NELL2: variants seen among roughly 807,000 people sequenced by gnomAD.
NELL2 encodes protein kinase C-binding protein NELL2.
NELL2 carries 41 observed loss-of-function variants against 109.6 expected under a neutral mutation model. That is an observed-to-expected ratio of 0.37 (90% CI 0.29 to 0.49). The LOEUF (loss-of-function observed/expected upper bound fraction) is 0.49. Among genes scored for constraint, NELL2 ranks in the 20% least tolerant of loss-of-function variants. The pLI is 0.98. For synonymous variants in NELL2, 355 were observed against 344.7 expected, an observed-to-expected ratio of 1.03 and a Z score of -0.33; for missense variants, 900 against 1,008.3, an observed-to-expected ratio of 0.89 and a Z score of 1.45.
intron 13 of NELL2, among the ~76,000 whole-genome samples, chr12:44,619,309 A>G (rs1473661720): frequency 1.3e-5 from 2 of 152,168 alleles, no homozygotes; most frequent in African/African-American, 4.8e-5. Flanking sequence ...TGGACGCTAA[A>G]CAGTAGCGTC....
chr12:44,657,390 T>G (rs1947545166), intron 13 of NELL2, among the ~76,000 whole-genome samples: 1 of 152,120 alleles, frequency 6.6e-6, no homozygotes, highest in South Asian at 2.1e-4. Context: ...AAAACTGAAT[T>G]TTTCCTCAAA....
At position 44,774,865 on chromosome 12, in the gene NELL2, T is replaced by C. The variant is rs376895640; in HGVS notation, c.892-16A>G. On this transcript the variant is annotated splice_polypyrimidine_tract_variant and intron_variant, in intron 8 of 19. Coordinates refer to ENST00000429094, the MANE Select transcript of NELL2 (RefSeq NM_001145108.2). ...TGGTTCCATTCTGAAAAGGAAACAA[T>C]ATTTAAAGAATTTCCATGTTAGAGT... The C allele has an allele frequency of 1.5e-5, 24 of 1,563,592 alleles. No homozygotes were observed. The highest frequency in any genetic ancestry group is 2.1e-5 in the Non-Finnish European group (24 of 1,141,322).
intron 13 of NELL2, among the ~76,000 whole-genome samples, chr12:44,617,070 C>T (rs374159313): frequency 3.3e-5 from 5 of 152,236 alleles, no homozygotes; most frequent in African/African-American, 1.2e-4. Context: ...AAAAGTGGTA[C>T]TCCTTCCTTC....
At chr12:44,702,249 T>A (rs2136417965) in intron 12 of NELL2, among the ~76,000 whole-genome samples, 1 of 152,242 alleles carries the variant, frequency 6.6e-6, no homozygotes, top group East Asian at 1.9e-4. Flanking sequence ...AGTTCTATAG[T>A]CACCCACTAA....
At chr12:44,763,612 T>C (rs1248838669) in intron 9 of NELL2, among the ~76,000 whole-genome samples, 2 of 152,172 alleles carry the variant, frequency 1.3e-5, no homozygotes, top group Non-Finnish European at 2.9e-5. Flanking sequence ...ACCAAGAGAA[T>C]ATCCAGGGCC....
intron 2 of NELL2, among the ~76,000 whole-genome samples, chr12:44,869,581 G>T (rs1945104728): frequency 6.7e-6 from 1 of 148,722 alleles, no homozygotes; most frequent in South Asian, 2.1e-4. Flanking sequence ...TATGTCATGG[G>T]GATTCACTCC....
chr12:44,615,524 A>G (rs894783248), intron 13 of NELL2, among the ~76,000 whole-genome samples: 1 of 152,100 alleles, frequency 6.6e-6, no homozygotes, highest in Non-Finnish European at 1.5e-5. Flanking sequence ...TAAATAGGGG[A>G]GTTGTGAATT....
chr12:44,709,607 G>GTT (rs1377372848), intron 11 of NELL2, among the ~76,000 whole-genome samples: 3 of 152,114 alleles, frequency 2.0e-5, no homozygotes, highest in African/African-American at 7.2e-5. Flanking sequence ...GCAATAGATA[G>GTT]TTTTTTTGCA....
chr12:44,844,111 C>A (rs1844236667), intron 2 of NELL2, among the ~76,000 whole-genome samples: 1 of 152,102 alleles, frequency 6.6e-6, no homozygotes, highest in Admixed American at 6.5e-5. Context: ...GGTGAAAGGG[C>A]AAAAGAGTAG....
intron 2 of NELL2, among the ~76,000 whole-genome samples, chr12:44,834,704 G>A (rs1351462679): frequency 1.3e-5 from 2 of 151,992 alleles, no homozygotes; most frequent in African/African-American, 4.8e-5. Context: ...CCAAACCCCA[G>A]CCCCTCCTCA....
At chr12:44,677,331 T>A (rs1255468034) in intron 12 of NELL2, among the ~76,000 whole-genome samples, 1 of 152,094 alleles carries the variant, frequency 6.6e-6, no homozygotes, top group African/African-American at 2.4e-5. Flanking sequence ...TTCTAAAACA[T>A]GTCATATATA....
intron 2 of NELL2, among the ~76,000 whole-genome samples, chr12:44,858,771 A>G (rs1402856680): frequency 3.3e-5 from 5 of 152,224 alleles, no homozygotes; most frequent in Non-Finnish European, 5.9e-5. Flanking sequence ...AAGTCAATAA[A>G]AGCAATGTAA....
At chr12:44,542,834 GA>G (rs1437216124) in intron 15 of NELL2, among the ~76,000 whole-genome samples, 2 of 152,132 alleles carry the variant, frequency 1.3e-5, no homozygotes. Context: ...GGGAAGTAAA[GA>G]ATGCTTCATT....
At chr12:44,855,468 C>T (rs918801995) in intron 2 of NELL2, among the ~76,000 whole-genome samples, 2 of 152,184 alleles carry the variant, frequency 1.3e-5, no homozygotes, top group Non-Finnish European at 2.9e-5. Flanking sequence ...GAAATTGTCA[C>T]ACTGCCACTG....
chr12:44,740,071 G>A lies in NELL2; in HGVS notation c.995-25330C>T, dbSNP rs144139867. 3.3e-5 allele frequency among the ~76,000 whole-genome samples: 5 copies of A among 152,134 alleles called. No individual in the cohort carries two copies. The East Asian group carries it at 9.7e-4, about 29-fold the overall frequency. On this transcript the variant is annotated intron_variant, in intron 9 of 19. Coordinates refer to ENST00000429094, the MANE Select transcript of NELL2 (RefSeq NM_001145108.2). ...TTGTCTCGCCCTTTACAGAACAAACGTACATACCACTATTCCACCCAAATT... is the reference window on the plus strand; with the variant it reads ...TTGTCTCGCCCTTTACAGAACAAACATACATACCACTATTCCACCCAAATT...
At chr12:44,617,454 G>T (rs1316885949) in intron 13 of NELL2, among the ~76,000 whole-genome samples, 1 of 106,114 alleles carries the variant, frequency 9.4e-6, no homozygotes, top group Non-Finnish European at 1.8e-5. Context: ...TTGGGAGGCC[G>T]AGGCGGGCGG....
chr12:44,840,073 C>A (rs1202522960), intron 2 of NELL2, among the ~76,000 whole-genome samples: 9 of 152,194 alleles, frequency 5.9e-5, no homozygotes, highest in Admixed American at 5.9e-4. Context: ...AGTTCTTGAA[C>A]TCCCCATATT....
rs530023391 is a variant in NELL2 at position 44,617,595 on chromosome 12, G to A, written c.1445-6625C>T. On this transcript the variant is annotated intron_variant, in intron 13 of 19. Coordinates refer to ENST00000429094, the MANE Select transcript of NELL2 (RefSeq NM_001145108.2). ...TAGTCCCAGCTACTTGGGAGGCTGA[G>A]GCAGGAGAATGGCGTGAACCTGGGA... is the stretch of plus-strand genomic sequence containing the variant. 1.6e-3 allele frequency among the ~76,000 whole-genome samples: 199 copies of A among 125,870 alleles called. 20 individuals carry two copies. The highest frequency in any genetic ancestry group is 2.3e-3 in the Non-Finnish European group (145 of 62,228). 82.6% of individuals were successfully genotyped at this position (125,870 alleles called of 152,430 possible).
chr12:44,901,252 T>A (rs983022805), intron 1 of NELL2, among the ~76,000 whole-genome samples: 2 of 151,960 alleles, frequency 1.3e-5, no homozygotes, highest in African/African-American at 4.8e-5. Flanking sequence ...CAAACTACCA[T>A]CAGAGAATAC....
Sources: gnomAD v4.1 joint callset for allele counts (sites outside exome capture counted in the v4.1 genomes callset) on GRCh38, gnomAD v4.1.1 for gene constraint, MANE v1.5 for transcripts, NCBI Gene and HGNC (gene_info 2026-07-23, HGNC 2026-07-21) for gene names.